PIGB: variants seen among roughly 807,000 people sequenced by gnomAD.
PIGB encodes the protein phosphatidylinositol glycan anchor biosynthesis class B.
PIGB carries 58 observed loss-of-function variants against 68.4 expected under a neutral mutation model. The observed-to-expected ratio is 0.85, with a 90% CI of 0.69 to 1.06. PIGB has a LOEUF of 1.06. PIGB is among the 50% of genes least tolerant of loss of function. The pLI, the probability that PIGB is intolerant of heterozygous loss-of-function variation, is 0.00. For synonymous variants in PIGB, 219 were observed against 220.5 expected (o/e 0.99, Z 0.06); for missense variants, 634 against 655.8 (o/e 0.97, Z 0.36).
chr15:55,319,442 T>C (rs993834776), intron 1 of PIGB, 29 bp downstream of exon 1: 13 of 1,527,186 alleles, frequency 8.5e-6, no homozygotes, highest in Middle Eastern at 3.4e-4. Context: ...TCTGGAGAGC[T>C]CCTACCCCCA....
intron 3 of PIGB, among the ~76,000 whole-genome samples, chr15:55,321,755 C>T (rs1485023611): frequency 6.9e-6 from 1 of 145,666 alleles, no homozygotes; most frequent in Non-Finnish European, 1.5e-5. Context: ...CGGGTTCAAG[C>T]GATTCTCCTG....
chr15:55,319,493 C>T, intron 1 of PIGB, 80 bp downstream of exon 1: 1 of 1,071,812 alleles, frequency 9.3e-7, no homozygotes, highest in Non-Finnish European at 1.3e-6. Context: ...AGCCAGTTGC[C>T]CGTTGAGCTC....
intron 7 of PIGB, among the ~76,000 whole-genome samples, 194 bp downstream of exon 7, chr15:55,339,512 G>A (rs1290184731): frequency 6.6e-6 from 1 of 152,182 alleles, no homozygotes; most frequent in East Asian, 1.9e-4. Flanking sequence ...ATATTCAGGA[G>A]AGTACATTTT....
chr15:55,321,023 A>T (rs993489766), intron 2 of PIGB, among the ~76,000 whole-genome samples: 1 of 152,200 alleles, frequency 6.6e-6, no homozygotes, highest in African/African-American at 2.4e-5. Context: ...TAGTTGGCCA[A>T]TTGAATTTTT....
At chr15:55,343,085 TC>T (rs2055708812) in intron 9 of PIGB, 1 of 152,102 alleles carries the variant, frequency 6.6e-6, no homozygotes, top group African/African-American at 2.4e-5. Context: ...ATACATCAAC[TC>T]CTACAGATCT....
chr15:55,343,532 C>T (rs908288430), intron 9 of PIGB: 9 of 152,220 alleles, frequency 5.9e-5, no homozygotes, highest in Non-Finnish European at 2.9e-5. Flanking sequence ...TCTTCTGTGT[C>T]CTGTTGCTTT....
chr15:55,340,364 G>A (rs1348598058), intron 7 of PIGB: 1 of 205,132 alleles, frequency 4.9e-6, no homozygotes, highest in African/African-American at 2.4e-5. Flanking sequence ...GCTGAGGCAG[G>A]AGAATGGCGT....
chr15:55,352,430 C>T (rs1000549486), intron 10 of PIGB, among the ~76,000 whole-genome samples: 3 of 152,176 alleles, frequency 2.0e-5, no homozygotes, highest in Non-Finnish European at 2.9e-5. Context: ...TTTCAGGAAG[C>T]TGTATTAGTT....
At chr15:55,330,833 A>C (rs2055397219) in intron 5 of PIGB, among the ~76,000 whole-genome samples, 1 of 152,224 alleles carries the variant, frequency 6.6e-6, no homozygotes, top group Non-Finnish European at 1.5e-5. Context: ...TGATCAAATC[A>C]AATAAGATCA....
chr15:55,336,261 C>T (rs1566952897), intron 6 of PIGB, among the ~76,000 whole-genome samples: 2 of 152,074 alleles, frequency 1.3e-5, no homozygotes, highest in South Asian at 2.1e-4. Context: ...GCACTAGGCA[C>T]GCCTGTGGTC....
chr15:55,334,002 T>C lies in PIGB; in HGVS notation c.789T>C (p.Pro263=). ...ATCTTATTCTACATCATTTTTTACC[T>C]GTAGGGTAAGTGTGGCAATAATCCA... ...KLDLILHHFL[P]VGFVTLSLSL... is the part of the protein sequence containing the mutation. The change falls in exon 6 of 12, where the codon CCT becomes CCC. Residue 263 remains proline, a synonymous_variant. Coordinates refer to ENST00000164305, the MANE Select transcript of PIGB (RefSeq NM_004855.5). 1 of 1,596,248 alleles carries C rather than the reference T, an allele frequency of 6.3e-7. No homozygotes were observed. The highest frequency in any genetic ancestry group is 1.1e-5 in the South Asian group (1 of 87,804).
intron 10 of PIGB, among the ~76,000 whole-genome samples, chr15:55,352,217 G>A (rs2055941820): frequency 6.6e-6 from 1 of 152,024 alleles, no homozygotes; most frequent in Non-Finnish European, 1.5e-5. Context: ...CCAAAGCGCT[G>A]GGATTACAGG....
At chr15:55,349,141 C>T (rs1422476545) in intron 9 of PIGB, among the ~76,000 whole-genome samples, 1 of 149,756 alleles carries the variant, frequency 6.7e-6, no homozygotes, top group Non-Finnish European at 1.5e-5. Flanking sequence ...CCTTGTCCTC[C>T]CAAAGTACTG....
At position 55,320,551 on chromosome 15, in the gene PIGB, T is replaced by C. The variant is rs963583207; in HGVS notation, c.299+141T>C. 1.8e-4 allele frequency: 112 copies of C among 639,528 alleles called. No individual in the cohort carries two copies. In the East Asian group the frequency reaches 2.9e-3, roughly 16 times the overall value. The allele number at this position is 639,528 out of a possible 1,614,324, so 39.6% of individuals were successfully genotyped here. Reference sequence around the variant, plus strand: ...AATCCCTAGTGGATGCTTGAAACTGTAGACAGTACCAAACTCTATATATAT... The same window carrying C: ...AATCCCTAGTGGATGCTTGAAACTGCAGACAGTACCAAACTCTATATATAT... On this transcript the variant is annotated intron_variant, in intron 2 of 11. Coordinates refer to ENST00000164305, the MANE Select transcript of PIGB (RefSeq NM_004855.5).
intron 6 of PIGB, among the ~76,000 whole-genome samples, chr15:55,334,533 T>C (rs924938970): frequency 1.3e-5 from 2 of 152,194 alleles, no homozygotes; most frequent in Non-Finnish European, 2.9e-5. Context: ...AAGTATCTAG[T>C]AGACTACCCC....
intron 9 of PIGB, among the ~76,000 whole-genome samples, chr15:55,344,972 T>C (rs596262): frequency 0.018 from 2,542 of 142,634 alleles, 72 homozygotes; most frequent in African/African-American, 0.062. Context: ...CTCAGCTCAC[T>C]ACAACCTCCG....
intron 9 of PIGB, among the ~76,000 whole-genome samples, chr15:55,347,393 A>G (rs2055818668): frequency 6.6e-6 from 1 of 152,170 alleles, no homozygotes; most frequent in Non-Finnish European, 1.5e-5. Context: ...TGCCACTTGC[A>G]CTCCCGCCTG....
At position 55,354,944 on chromosome 15, in the gene PIGB, C is replaced by G; in HGVS notation, c.1484C>G (p.Pro495Arg). The change falls in exon 11 of 12, where the codon CCT becomes CGT. Residue 495 changes from proline to arginine, a missense_variant. Transcript: ENST00000164305. ...GAGTTTCATGATGATGCATCATTGC[C>G]TACTCACTTGATCACCTTCAGCATT... The part of the protein sequence containing the change: ...HREFHDDASL[P>R]THLITFSILE... The G allele has an allele frequency of 1.2e-6, 2 of 1,612,482 alleles. No homozygotes were observed. The highest frequency in any genetic ancestry group is 1.7e-6 in the Non-Finnish European group (2 of 1,179,034).
At chr15:55,332,825 T>G (rs527933877) in intron 5 of PIGB, among the ~76,000 whole-genome samples, 2 of 152,230 alleles carry the variant, frequency 1.3e-5, no homozygotes, top group Non-Finnish European at 2.9e-5. Context: ...AATTATCAAA[T>G]TGTCTCTTTC....
Sources: gnomAD v4.1 joint callset for allele counts (sites outside exome capture counted in the v4.1 genomes callset) on GRCh38, gnomAD v4.1.1 for gene constraint, MANE v1.5 for transcripts, NCBI Gene and HGNC (gene_info 2026-07-23, HGNC 2026-07-21) for gene names.